The following BAIAP3 variants were observed in gnomAD, a reference collection of about 807,000 sequenced individuals.
BAIAP3 encodes the protein BAI1 associated protein 3.
A neutral mutation model predicts 149.7 loss-of-function variants in BAIAP3; 180 were observed. The ratio of observed to expected loss-of-function variants is 1.20; its 90% CI spans 1.07 to 1.36. The LOEUF is 1.36. Ranked by LOEUF, BAIAP3 falls within the 40% of genes most tolerant of loss-of-function variation. The probability of loss-of-function intolerance (pLI) is 0.00; values close to 1 mark genes in which losing one functional copy is unlikely to be tolerated. For synonymous variants in BAIAP3, 845 were observed against 670.7 expected, an observed-to-expected ratio of 1.26 and a Z score of -4.02; for missense variants, 1,767 against 1,563.4, an observed-to-expected ratio of 1.13 and a Z score of -2.20.
chr16:1,344,941 G>A (rs746373253), intron 20 of BAIAP3, 28 bp from the exon 21 acceptor site: 3 of 1,613,480 alleles, frequency 1.9e-6, no homozygotes, highest in South Asian at 2.2e-5. Context: ...CCTTGCTGCT[G>A]GAGGCCTGAT....
In BAIAP3 at chr16:1,348,448, A is replaced by G. The variant is rs373553982; in HGVS notation, c.3425A>G (p.Lys1142Arg). 5.0e-6 allele frequency: 8 copies of G among 1,612,232 alleles called. No individual in the cohort carries two copies. The African/African-American group carries it at 1.1e-4, about 22-fold the overall frequency. The part of the protein sequence containing the change: ...KEAQEFVKKL[K>R]ELEKCMEADP Reference sequence around the variant, plus strand: ...GCGCAGGAGTTCGTGAAGAAACTCAAGGAGCTGGAGAAGTGCATGGAGGCG... The same window carrying G: ...GCGCAGGAGTTCGTGAAGAAACTCAGGGAGCTGGAGAAGTGCATGGAGGCG... Residue 1142 changes from lysine to arginine, a missense_variant, in exon 34 of 34, where the codon AAG becomes AGG. Transcript: ENST00000426824.
chr16:1,347,473 C>A, intron 29 of BAIAP3, 72 bp from the exon 30 acceptor site: 1 of 1,576,058 alleles, frequency 6.3e-7, no homozygotes, highest in Non-Finnish European at 8.6e-7. Context: ...GCCCCACGGG[C>A]AGTCAGGTCT....
chr16:1,339,345 G>C (rs1318173662), intron 4 of BAIAP3, 101 bp downstream of exon 4: 6 of 1,508,754 alleles, frequency 4.0e-6, no homozygotes, highest in East Asian at 2.5e-5. Context: ...TGATGGCAGA[G>C]AGCCAGGGTG....
chr16:1,345,139 G>A (rs778989969), intron 21 of BAIAP3, 40 bp downstream of exon 21: 1 of 1,611,796 alleles, frequency 6.2e-7, no homozygotes, highest in Non-Finnish European at 8.5e-7. Context: ...CAGACTTTGG[G>A]ACCAGGGCCC....
At position 1,347,936 on chromosome 16, in the gene BAIAP3, ATC is replaced by A; in HGVS notation, c.3072_3073del (p.Phe1025SerfsTer271). The A allele has an allele frequency of 6.2e-7, 1 of 1,612,062 alleles. No homozygotes were observed. Among genetic ancestry groups the A allele is most frequent in the Non-Finnish European group, 8.5e-7 (1 of 1,179,916 alleles). ...GTGATCGTGGAGCTGGGCCCACCGCATCTCTTTCCACTGGTCCGCAGCCAGAG... is the reference window on the plus strand; with the variant it reads ...GTGATCGTGGAGCTGGGCCCACCGCATCTTTCCACTGGTCCGCAGCCAGAG... On this transcript the variant is annotated frameshift_variant, in exon 32 of 34. Coordinates refer to ENST00000426824, the MANE Select transcript of BAIAP3 (RefSeq NM_001199097.2). LOFTEE classifies it high-confidence loss of function.
chr16:1,346,889 G>A lies in BAIAP3; in HGVS notation c.2685G>A (p.Leu895=). The A allele has an allele frequency of 5.6e-6, 9 of 1,610,014 alleles. No individual in the cohort carries two copies. The highest frequency in any genetic ancestry group is 7.6e-6 in the Non-Finnish European group (9 of 1,179,170). Residue 895 remains leucine (L), a synonymous_variant, in exon 28 of 34, where the codon CTG becomes CTA. Transcript: ENST00000426824. ...GGGAGCTACTCCTCCAGGCCATTCT[G>A]CAGGCGCTGGGTGCAAACCGTGACG... ...ALWELLLQAI[L]QALGANRDVS...
Position 1,338,695 on chromosome 16 carries a change from G to A in BAIAP3, c.131+15G>A. On this transcript the variant is annotated intron_variant, in intron 2 of 33. Transcript: ENST00000426824. The stretch of plus-strand genomic sequence containing the variant: ...ACGGGGGCCTGGTGGGTGCCGAGGG[G>A]CCCAGCCCCACACGCCCACAGGGCC... 1.3e-6 allele frequency: 2 copies of A among 1,569,246 alleles called. No individual in the cohort carries two copies. The highest frequency in any genetic ancestry group is 1.1e-5 in the South Asian group (1 of 87,098).
At chr16:1,341,674 C>T in intron 8 of BAIAP3, 148 bp from the exon 9 acceptor site, 2 of 1,174,736 alleles carry the variant, frequency 1.7e-6, no homozygotes, top group South Asian at 2.9e-5. Context: ...CGGCTGGCAA[C>T]ACCTGGCGGG....
In BAIAP3 at chr16:1,346,950, C is replaced by T. The variant is rs1420608804; in HGVS notation, c.2746C>T (p.Leu916=). 1.2e-6 allele frequency: 2 copies of T among 1,607,986 alleles called. No homozygotes were observed. Among genetic ancestry groups the T allele is most frequent in the Non-Finnish European group, 1.7e-6 (2 of 1,178,118 alleles). ...ADFYSRFHFT[L]EALVSFFHAE... Reference sequence around the variant, plus strand: ...TTTCTACAGCCGCTTCCATTTCACGCTGGAGGTAGAGCTCTGTGAAGGAGT... The same window carrying T: ...TTTCTACAGCCGCTTCCATTTCACGTTGGAGGTAGAGCTCTGTGAAGGAGT... Residue 916 remains leucine, a synonymous_variant, in exon 28 of 34, where the codon CTG becomes TTG. Transcript: ENST00000426824.
Position 1,344,201 on chromosome 16 carries a change from C to G in BAIAP3, c.1512-26C>G, listed in dbSNP as rs1489502070. 5 of 1,612,740 alleles carry G rather than the reference C, an allele frequency of 3.1e-6. No individual in the cohort carries two copies. In the East Asian group the frequency reaches 1.1e-4, roughly 36 times the overall value. Reference sequence around the variant, plus strand: ...TGGGGGCGGCTGGCAGGGCAGGCCCCACGTCAGCGTGCTGCCCCCACCCAG... The same window carrying G: ...TGGGGGCGGCTGGCAGGGCAGGCCCGACGTCAGCGTGCTGCCCCCACCCAG... On this transcript the variant is annotated intron_variant, in intron 16 of 33. Transcript: ENST00000426824.
chr16:1,334,127 G>T (rs1596553913), intron 1 of BAIAP3, among the ~76,000 whole-genome samples: 1 of 151,974 alleles, frequency 6.6e-6, no homozygotes, highest in South Asian at 2.1e-4. Flanking sequence ...GAGCAGACGG[G>T]CCCGGGGCCT....
rs751548197 is a variant in BAIAP3, at chr16:1,342,809, G to C, written c.1156G>C (p.Glu386Gln). The change falls in exon 13 of 34, where the codon GAG becomes CAG. Residue 386 changes from glutamate to glutamine, a missense_variant. Physicochemically the swap from Glu to Gln is conservative, Grantham distance 29. Transcript: ENST00000426824. ...TCTGCTGCGGTTGGAGCACTCAGCA[G>C]AGGAGGTAGTGGGTGCGCCTAGGAT... ...SHLLRLEHSA[E>Q]EPNSSSWRGE... 6.2e-7 allele frequency: 1 copy of C among 1,612,712 alleles called. No homozygotes were observed. Among genetic ancestry groups the C allele is most frequent in the Middle Eastern group, 1.7e-4 (1 of 5,968 alleles).
rs1164901756 is a variant in BAIAP3 at position 1,349,136 on chromosome 16, A to G, written c.*654A>G. The G allele has an allele frequency of 6.8e-6, 3 of 440,912 alleles. No homozygotes were observed. The highest frequency in any genetic ancestry group is 4.0e-5 in the African/African-American group (2 of 50,024). 27.3% of individuals were successfully genotyped at this position (440,912 alleles called of 1,614,324 possible). ...CTGGTCAGCTGTCCTTCACGCACAT[A>G]TCCGTGGCCACCTGAGACCTGCTCC... is the stretch of plus-strand genomic sequence containing the variant. On this transcript the variant is annotated 3_prime_UTR_variant, in exon 34 of 34. Transcript: ENST00000426824.
chr16:1,347,639 A>C lies in BAIAP3; in HGVS notation c.2904+14A>C, dbSNP rs763450013. On this transcript the variant is annotated intron_variant, in intron 30 of 33. Coordinates refer to ENST00000426824, the MANE Select transcript of BAIAP3 (RefSeq NM_001199097.2). The stretch of plus-strand genomic sequence containing the variant: ...AAGCTCAAACAGGTAGGGAGGCGCC[A>C]GGGACAGGGTGCTGCCTCCGAGGCT... 6.2e-7 allele frequency: 1 copy of C among 1,612,988 alleles called. No homozygotes were observed. Among genetic ancestry groups the C allele is most frequent in the South Asian group, 1.1e-5 (1 of 91,086 alleles).
chr16:1,334,572 G>T (rs536796607), intron 1 of BAIAP3: 8 of 1,282,142 alleles, frequency 6.2e-6, no homozygotes, highest in Middle Eastern at 2.6e-4. Context: ...GGGCGCCAGC[G>T]GCTGGACCTT....
Position 1,347,805 on chromosome 16 carries a change from C to T in BAIAP3, c.3009C>T (p.Leu1003=), listed in dbSNP as rs1006479278. The T allele has an allele frequency of 5.0e-6, 8 of 1,605,510 alleles. No homozygotes were observed. In the African/African-American group the frequency reaches 5.3e-5, roughly 11 times the overall value. Residue 1003 remains leucine, a synonymous_variant, in exon 31 of 34, where the codon CTC becomes CTT. Coordinates refer to ENST00000426824, the MANE Select transcript of BAIAP3 (RefSeq NM_001199097.2). Reference sequence around the variant, plus strand: ...AGGTGCTGCACGCCGCGGACCTGCTCCCCCTGGACGCCAACGGTGAGTTGC... The same window carrying T: ...AGGTGCTGCACGCCGCGGACCTGCTTCCCCTGGACGCCAACGGTGAGTTGC... ...AVEVLHAADL[L]PLDANGLSDP...
chr16:1,341,966 T>A lies in BAIAP3; in HGVS notation c.777-20T>A. 6.3e-7 allele frequency: 1 copy of A among 1,582,714 alleles called. No individual in the cohort carries two copies. The highest frequency in any genetic ancestry group is 8.6e-7 in the Non-Finnish European group (1 of 1,164,906). ...GGCTGCGGGCTCCAGACAAGCCAGG[T>A]CCTCCCCTGTCCCCACCAGGGATCA... On this transcript the variant is annotated intron_variant, in intron 9 of 33. Coordinates refer to ENST00000426824, the MANE Select transcript of BAIAP3 (RefSeq NM_001199097.2).
Position 1,344,479 on chromosome 16 carries a change from G to A in BAIAP3, c.1613G>A (p.Arg538His), listed in dbSNP as rs762619160. The A allele has an allele frequency of 1.5e-5, 24 of 1,613,328 alleles. No homozygotes were observed. The highest frequency in any genetic ancestry group is 5.0e-5 in the Admixed American group (3 of 59,992). The stretch of plus-strand genomic sequence containing the variant: ...TGGTGTCTGTTGCAGAGAGGCAACC[G>A]TGAGTGGTACGACAGGATCCTGAAT... ...DIAAALKRGN[R>H]EWYDRILNDK... The change falls in exon 18 of 34, where the codon CGT becomes CAT. Residue 538 changes from arginine to histidine, a missense_variant. Transcript: ENST00000426824.
At chr16:1,345,400 TG>T in intron 22 of BAIAP3, 28 bp downstream of exon 22, 2 of 1,496,960 alleles carry the variant, frequency 1.3e-6, no homozygotes, top group Non-Finnish European at 1.8e-6. Context: ...CTGAGGACAC[TG>T]GGGCTGGTCC....
Sources: gnomAD v4.1 joint callset for allele counts (sites outside exome capture counted in the v4.1 genomes callset) on GRCh38, gnomAD v4.1.1 for gene constraint, MANE v1.5 for transcripts, NCBI Gene and HGNC (gene_info 2026-07-23, HGNC 2026-07-21) for gene names.